Variants in TEX12 observed in about 807,000 individuals in gnomAD.
The protein encoded by TEX12 is testis-expressed protein 12.
Under a neutral mutation model 14.6 loss-of-function variants are expected in TEX12, and 7 were observed. The observed-to-expected ratio is 0.48, with a 90% CI of 0.27 to 0.90. The LOEUF (loss-of-function observed/expected upper bound fraction) is 0.90. TEX12 is among the 40% of genes least tolerant of loss of function. The pLI, the probability that TEX12 is intolerant of heterozygous loss-of-function variation, is 0.12. For synonymous variants in TEX12, 57 were observed against 49.1 expected (o/e 1.16, Z -0.67); for missense variants, 121 against 135.7 (o/e 0.89, Z 0.54).
chr11:112,169,604 A>G (rs1230667136), intron 2 of TEX12, among the ~76,000 whole-genome samples: 2 of 152,170 alleles, frequency 1.3e-5, no homozygotes, highest in Non-Finnish European at 2.9e-5. Context: ...ATAGGATTTT[A>G]TGTAATTATT....
chr11:112,169,593 C>T (rs1286803229), intron 2 of TEX12, among the ~76,000 whole-genome samples: 1 of 152,054 alleles, frequency 6.6e-6, no homozygotes, highest in East Asian at 1.9e-4. Flanking sequence ...CTTTATGATC[C>T]ATAGGATTTT....
intron 2 of TEX12, among the ~76,000 whole-genome samples, chr11:112,169,680 G>A (rs543412505): frequency 2.6e-4 from 39 of 152,292 alleles, no homozygotes; most frequent in South Asian, 8.3e-4. Flanking sequence ...ACAGTATCCT[G>A]TCTTTTACTA....
intron 2 of TEX12, 104 bp from the exon 3 acceptor site, chr11:112,170,315 C>A (rs1442224711): frequency 6.6e-6 from 5 of 758,192 alleles, no homozygotes; most frequent in Admixed American, 2.9e-5. Flanking sequence ...AGCATGTTTG[C>A]CTTTTTCTGA....
At position 112,171,972 on chromosome 11, in the gene TEX12, A is replaced by G. The variant is rs1305676593; in HGVS notation, c.*56A>G. 9 of 1,288,000 alleles carry G rather than the reference A, an allele frequency of 7.0e-6. No homozygotes were observed. The highest frequency in any genetic ancestry group is 2.8e-5 in the East Asian group (1 of 36,192). 79.8% of individuals were successfully genotyped at this position (1,288,000 alleles called of 1,614,324 possible). A position where few individuals can be genotyped will look rare whatever the true frequency, so the allele number is the denominator to read the frequency against. Reference sequence around the variant, plus strand: ...AACCTATTATTGTTATAATGAAAGAATGACATTTATGCTTTGAAAGCTCTC... The same window carrying G: ...AACCTATTATTGTTATAATGAAAGAGTGACATTTATGCTTTGAAAGCTCTC... On this transcript the variant is annotated 3_prime_UTR_variant, in exon 5 of 5. Transcript: ENST00000280358.
At chr11:112,168,689 T>G (rs948809214) in intron 1 of TEX12, among the ~76,000 whole-genome samples, 2 of 152,060 alleles carry the variant, frequency 1.3e-5, no homozygotes, top group Non-Finnish European at 2.9e-5. Context: ...GTAGCTGGGA[T>G]TACAGGCGCC....
intron 4 of TEX12, 68 bp from the exon 5 acceptor site, chr11:112,171,704 A>G: frequency 1.0e-6 from 1 of 953,544 alleles, no homozygotes; most frequent in Non-Finnish European, 1.5e-6. Flanking sequence ...AATATTGTGT[A>G]ATGAAGAACA....
chr11:112,169,245 C>A lies in TEX12; in HGVS notation c.-16-8C>A. The A allele has an allele frequency of 1.2e-6, 2 of 1,606,682 alleles. No individual in the cohort carries two copies. The highest frequency in any genetic ancestry group is 1.7e-6 in the Non-Finnish European group (2 of 1,173,256). On this transcript the variant is annotated splice_polypyrimidine_tract_variant and splice_region_variant and intron_variant, in intron 1 of 4. Coordinates refer to ENST00000280358, the MANE Select transcript of TEX12 (RefSeq NM_031275.4). ...TACCTAAATCTGGCATTGTTCTAAG[C>A]TTTGTAGCTGGTGCCTTCGGAATAT...
At chr11:112,169,584 T>C (rs1332675011) in intron 2 of TEX12, among the ~76,000 whole-genome samples, 2 of 152,180 alleles carry the variant, frequency 1.3e-5, no homozygotes, top group East Asian at 3.8e-4. Context: ...AGTCTGTGCC[T>C]TTATGATCCA....
chr11:112,167,940 C>T (rs977494616), intron 1 of TEX12, among the ~76,000 whole-genome samples: 2 of 152,164 alleles, frequency 1.3e-5, no homozygotes, highest in African/African-American at 2.4e-5. Flanking sequence ...AAAAATCTGC[C>T]TGTTGGCTTC....
chr11:112,167,934 A>G (rs1866745935), intron 1 of TEX12, among the ~76,000 whole-genome samples: 1 of 152,108 alleles, frequency 6.6e-6, no homozygotes, highest in African/African-American at 2.4e-5. Flanking sequence ...AGAGAGAAAA[A>G]TCTGCCTGTT....
At position 112,171,880 on chromosome 11, in the gene TEX12, G is replaced by A. The variant is rs1417002197; in HGVS notation, c.336G>A (p.Gln112=). ...FLIQKREFLR[Q]RFTVIANTLH... ...TACAAAAAAGAGAGTTCCTGCGACA[G>A]AGGTTTACAGTGATTGCAAACACAT... Residue 112 remains glutamine, a synonymous_variant, in exon 5 of 5, where the codon CAG becomes CAA. Coordinates refer to ENST00000280358, the MANE Select transcript of TEX12 (RefSeq NM_031275.4). 2 of 1,581,512 alleles carry A rather than the reference G, an allele frequency of 1.3e-6. No individual in the cohort carries two copies. The highest frequency in any genetic ancestry group is 2.3e-5 in the East Asian group (1 of 43,394).
At position 112,170,623 on chromosome 11, in the gene TEX12, A is replaced by T. The variant is rs773775176; in HGVS notation, c.176A>T (p.Asp59Val). The T allele has an allele frequency of 6.2e-7, 1 of 1,611,398 alleles. No individual in the cohort carries two copies. The highest frequency in any genetic ancestry group is 8.5e-7 in the Non-Finnish European group (1 of 1,177,968). ...KDEALEKDLN[D>V]VSKEINLMLS... ...AACTTAAATGATTTTTCTTGAACAG[A>T]TGTGAGCAAGGAAATTAATCTAATG... Residue 59 changes from aspartate to valine, a missense_variant and splice_region_variant, in exon 4 of 5, where the codon GAT becomes GTT. Physicochemically the swap from Asp to Val is radical, Grantham distance 152. Coordinates refer to ENST00000280358, the MANE Select transcript of TEX12 (RefSeq NM_031275.4).
Position 112,171,972 on chromosome 11 carries a change from A to AG in TEX12, c.*56_*57insG, listed in dbSNP as rs1403289393. 7.8e-7 allele frequency: 1 copy of AG among 1,288,000 alleles called. No homozygotes were observed. Among genetic ancestry groups the AG allele is most frequent in the Non-Finnish European group, 1.0e-6 (1 of 980,050 alleles). 79.8% of individuals were successfully genotyped at this position (1,288,000 alleles called of 1,614,324 possible). On this transcript the variant is annotated 3_prime_UTR_variant, in exon 5 of 5. Transcript: ENST00000280358. ...AACCTATTATTGTTATAATGAAAGA[A>AG]TGACATTTATGCTTTGAAAGCTCTC... is the stretch of plus-strand genomic sequence containing the variant.
Position 112,171,767 on chromosome 11 carries a change from A to T in TEX12, c.228-5A>T, listed in dbSNP as rs1184583501. ...AGTTTAATATACAACTTTTTTTCCT[A>T]TTAGTGAGAGAGCAGCAGTAGATGC... On this transcript the variant is annotated splice_polypyrimidine_tract_variant and splice_region_variant and intron_variant, in intron 4 of 4. Transcript: ENST00000280358. 1 of 1,521,220 alleles carries T rather than the reference A, an allele frequency of 6.6e-7. No individual in the cohort carries two copies. 94.2% of individuals were successfully genotyped at this position (1,521,220 alleles called of 1,614,324 possible). A position where few individuals can be genotyped will look rare whatever the true frequency, so the allele number is the denominator to read the frequency against.
Position 112,172,153 on chromosome 11 carries a change from T to G in TEX12, c.*237T>G, listed in dbSNP as rs76591574. ...AACATGAACTACGTCACTTTTCTTT[T>G]GAGGGTCAAATATTTAGTGCATTTT... On this transcript the variant is annotated 3_prime_UTR_variant, in exon 5 of 5. Transcript: ENST00000280358. 1,717 of 236,450 alleles carry G rather than the reference T, an allele frequency of 7.3e-3. 14 individuals carry two copies. The highest frequency in any genetic ancestry group is 0.011 in the Non-Finnish European group (1,375 of 123,258). 14.6% of individuals were successfully genotyped at this position (236,450 alleles called of 1,614,324 possible).
intron 4 of TEX12, 38 bp from the exon 5 acceptor site, chr11:112,171,734 A>G: frequency 7.8e-7 from 1 of 1,273,912 alleles, no homozygotes; most frequent in Non-Finnish European, 1.0e-6. Flanking sequence ...TGTTGTTTAT[A>G]TCTACTTAGT....
Position 112,171,882 on chromosome 11 carries a change from G to T in TEX12, c.338G>T (p.Arg113Met). The stretch of plus-strand genomic sequence containing the variant: ...CAAAAAAGAGAGTTCCTGCGACAGA[G>T]GTTTACAGTGATTGCAAACACATTA... ...LIQKREFLRQRFTVIANTLHR is the reference protein window; with the variant it reads ...LIQKREFLRQMFTVIANTLHR The change falls in exon 5 of 5, where the codon AGG becomes ATG. Residue 113 changes from arginine to methionine, a missense_variant. Coordinates refer to ENST00000280358, the MANE Select transcript of TEX12 (RefSeq NM_031275.4). The T allele has an allele frequency of 6.3e-7, 1 of 1,579,310 alleles. No homozygotes were observed. Among genetic ancestry groups the T allele is most frequent in the Admixed American group, 1.9e-5 (1 of 52,928 alleles).
At chr11:112,169,215 G>A in intron 1 of TEX12, 38 bp from the exon 2 acceptor site, 1 of 1,396,088 alleles carries the variant, frequency 7.2e-7, no homozygotes, top group South Asian at 1.2e-5. Context: ...GTAGCATGGA[G>A]TTTGTACCTA....
At chr11:112,169,986 C>G (rs1204370638) in intron 2 of TEX12, among the ~76,000 whole-genome samples, 2 of 152,092 alleles carry the variant, frequency 1.3e-5, no homozygotes, top group African/African-American at 2.4e-5. Context: ...GCCTGGGCAA[C>G]ACTGCAATAC....
Sources: gnomAD v4.1 joint callset for allele counts (sites outside exome capture counted in the v4.1 genomes callset) on GRCh38, gnomAD v4.1.1 for gene constraint, MANE v1.5 for transcripts, NCBI Gene and HGNC (gene_info 2026-07-23, HGNC 2026-07-21) for gene names.